Variants in SPATS2L observed in about 807,000 individuals in gnomAD.
SPATS2L encodes the protein spermatogenesis associated serine rich 2 like.
Under a neutral mutation model 59.6 loss-of-function variants are expected in SPATS2L, and 30 were observed. That is an observed-to-expected ratio of 0.50 (90% CI 0.38 to 0.68). SPATS2L has a LOEUF of 0.68. Ranked by LOEUF, SPATS2L falls within the 30% of genes least tolerant of loss-of-function variation. The pLI, the probability that SPATS2L is intolerant of heterozygous loss-of-function variation, is 0.00. For synonymous variants in SPATS2L, 252 were observed against 263.5 expected (o/e 0.96, Z 0.42); for missense variants, 615 against 700.0 (o/e 0.88, Z 1.37).
intron 1 of SPATS2L, among the ~76,000 whole-genome samples, chr2:200,313,093 G>A (rs1349257683): frequency 6.6e-6 from 1 of 152,148 alleles, no homozygotes; most frequent in Non-Finnish European, 1.5e-5. Flanking sequence ...TGACACCCAG[G>A]CCCTGCTTTT....
intron 3 of SPATS2L, among the ~76,000 whole-genome samples, chr2:200,398,461 C>T (rs1210042170): frequency 6.6e-6 from 1 of 152,160 alleles, no homozygotes; most frequent in Non-Finnish European, 1.5e-5. Flanking sequence ...CCAAGTCATA[C>T]TGTCACTAGT....
chr2:200,451,074 T>C (rs1372487596), intron 8 of SPATS2L, among the ~76,000 whole-genome samples: 1 of 152,190 alleles, frequency 6.6e-6, no homozygotes, highest in African/African-American at 2.4e-5. Flanking sequence ...ATTCCAGCAC[T>C]TTGGGAGGCC....
At chr2:200,424,729 C>A (rs1455986975) in intron 6 of SPATS2L, among the ~76,000 whole-genome samples, 5 of 152,184 alleles carry the variant, frequency 3.3e-5, no homozygotes, top group African/African-American at 1.2e-4. Context: ...CCACTGGACA[C>A]AATTCCCATT....
intron 3 of SPATS2L, among the ~76,000 whole-genome samples, chr2:200,399,829 A>T (rs545258425): frequency 2.6e-5 from 4 of 152,350 alleles, no homozygotes; most frequent in Admixed American, 1.3e-4. Flanking sequence ...TAATTTAGAG[A>T]TTAACCCAAC....
chr2:200,390,429 C>G (rs143435210), intron 3 of SPATS2L: 1 of 152,306 alleles, frequency 6.6e-6, no homozygotes, highest in South Asian at 2.1e-4. Context: ...AACAGCAGGG[C>G]GGTGTGATGA....
At chr2:200,365,201 C>T (rs866573775) in intron 2 of SPATS2L, among the ~76,000 whole-genome samples, 6 of 152,288 alleles carry the variant, frequency 3.9e-5, no homozygotes, top group Middle Eastern at 3.4e-3. Context: ...TGTGGGTTTA[C>T]TTATGTTATC....
chr2:200,399,743 G>A (rs142742420), intron 3 of SPATS2L, among the ~76,000 whole-genome samples: 2 of 152,306 alleles, frequency 1.3e-5, no homozygotes, highest in African/African-American at 4.8e-5. Context: ...AAGAGAGAGA[G>A]TGTGCTTCTA....
intron 6 of SPATS2L, among the ~76,000 whole-genome samples, chr2:200,432,109 A>C (rs1003956777): frequency 6.6e-5 from 10 of 152,270 alleles, no homozygotes; most frequent in African/African-American, 2.4e-4. Context: ...ATTCCCTTAA[A>C]TTATAGTAAA....
chr2:200,431,228 G>A (rs2083912968), intron 6 of SPATS2L, among the ~76,000 whole-genome samples: 1 of 152,272 alleles, frequency 6.6e-6, no homozygotes, highest in South Asian at 2.1e-4. Flanking sequence ...GATTGGTAGA[G>A]GGATGGAACT....
At chr2:200,373,955 G>C (rs2081515211) in intron 2 of SPATS2L, among the ~76,000 whole-genome samples, 1 of 152,274 alleles carries the variant, frequency 6.6e-6, no homozygotes, top group African/African-American at 2.4e-5. Context: ...GATAGGATGA[G>C]AAGGAACTTT....
chr2:200,433,137 A>G lies in SPATS2L; in HGVS notation c.446-5985A>G, dbSNP rs1446027456. Among the ~76,000 whole-genome samples the G allele has an allele frequency of 2.6e-4, 40 of 152,212 alleles. 1 individual carries two copies. The highest frequency in any genetic ancestry group is 2.5e-4 in the Non-Finnish European group (17 of 68,016). On this transcript the variant is annotated intron_variant, in intron 6 of 12. Coordinates refer to ENST00000409140, the MANE Select transcript of SPATS2L (RefSeq NM_001100423.2). ...TTGTTTGATTGATCAAAAAGATATAACACCTCTAAATGTATGTGCATCTAA... is the reference window on the plus strand; with the variant it reads ...TTGTTTGATTGATCAAAAAGATATAGCACCTCTAAATGTATGTGCATCTAA...
upstream of SPATS2L, chr2:200,306,333 A>T (rs1399791898): frequency 3.0e-6 from 3 of 1,002,170 alleles, no homozygotes; most frequent in African/African-American, 5.2e-5. Flanking sequence ...GCGGATTGTG[A>T]CAAAATCTTT....
rs771410775 is a variant in SPATS2L at position 200,477,880 on chromosome 2, G to A, written c.1526G>A (p.Arg509Gln). 96 of 1,606,858 alleles carry A rather than the reference G, an allele frequency of 6.0e-5. No individual in the cohort carries two copies. Among genetic ancestry groups the A allele is most frequent in the African/African-American group, 5.3e-5 (4 of 74,800 alleles). Reference sequence around the variant, plus strand: ...GCCCCGGCCCATTCTGAAAAGCCCCGGCGAAGGCAGCACGCTGCAGACACC... The same window carrying A: ...GCCCCGGCCCATTCTGAAAAGCCCCAGCGAAGGCAGCACGCTGCAGACACC... ...PEAPAHSEKP[R>Q]RRQHAADTSE... The change falls in exon 13 of 13, where the codon CGG (arginine) becomes CAG (glutamine). Residue 509 changes from arginine (R) to glutamine (Q), a missense_variant. Transcript: ENST00000409140.
intron 2 of SPATS2L, among the ~76,000 whole-genome samples, chr2:200,344,922 G>C (rs953286666): frequency 6.6e-6 from 1 of 151,752 alleles, no homozygotes; most frequent in Non-Finnish European, 1.5e-5. Context: ...GGGCTGTTTT[G>C]TTCTTGTAAA....
At chr2:200,390,788 A>G (rs553597978) in intron 3 of SPATS2L, 53 of 151,276 alleles carry the variant, frequency 3.5e-4, no homozygotes, top group African/African-American at 1.2e-3. Flanking sequence ...GAACAAATAC[A>G]TTTTTATCTT....
chr2:200,441,148 A>G (rs779403299), intron 8 of SPATS2L, among the ~76,000 whole-genome samples: 15 of 152,188 alleles, frequency 9.9e-5, no homozygotes, highest in African/African-American at 3.1e-4. Context: ...TTCCAGCACT[A>G]TAATTATAAA....
intron 2 of SPATS2L, among the ~76,000 whole-genome samples, chr2:200,387,656 C>A (rs1007231437): frequency 6.6e-6 from 1 of 152,062 alleles, no homozygotes; most frequent in African/African-American, 2.4e-5. Context: ...TGCAAGTTAT[C>A]CCTAGCATGT....
rs571914781 is a variant in SPATS2L at position 200,420,878 on chromosome 2, C to G, written c.445+1382C>G. 2.8e-3 allele frequency among the ~76,000 whole-genome samples: 423 copies of G among 152,154 alleles called. 2 individuals are homozygous for G. Among genetic ancestry groups the G allele is most frequent in the African/African-American group, 9.5e-3 (392 of 41,478 alleles). The stretch of plus-strand genomic sequence containing the variant: ...TGCAAGTCATCTAGCATCCTGCCCC[C>G]CAACCCCACCGCCAACACACACACA... On this transcript the variant is annotated intron_variant, in intron 6 of 12. Coordinates refer to ENST00000409140, the MANE Select transcript of SPATS2L (RefSeq NM_001100423.2).
intron 10 of SPATS2L, 61 bp from the exon 11 acceptor site, chr2:200,469,853 C>T (rs965332734): frequency 6.7e-6 from 9 of 1,334,290 alleles, no homozygotes; most frequent in East Asian, 2.5e-5. Context: ...AACGCATCCA[C>T]GGGGGTGCCT....
Sources: gnomAD v4.1 joint callset for allele counts (sites outside exome capture counted in the v4.1 genomes callset) on GRCh38, gnomAD v4.1.1 for gene constraint, MANE v1.5 for transcripts, NCBI Gene and HGNC (gene_info 2026-07-23, HGNC 2026-07-21) for gene names.